VAV3: variants seen among roughly 807,000 people sequenced by gnomAD.
The protein encoded by VAV3 is vav guanine nucleotide exchange factor 3.
VAV3 carries 94 observed loss-of-function variants against 131.2 expected under a neutral mutation model. The ratio of observed to expected loss-of-function variants is 0.72; its 90% CI spans 0.61 to 0.85. VAV3 has a LOEUF of 0.85. Ranked by LOEUF, VAV3 falls within the 40% of genes least tolerant of loss-of-function variation. The pLI, the probability that VAV3 is intolerant of heterozygous loss-of-function variation, is 0.00. For synonymous variants in VAV3, 349 were observed against 342.0 expected (o/e 1.02, Z -0.22); for missense variants, 939 against 1,002.7 (o/e 0.94, Z 0.86).
intron 20 of VAV3, among the ~76,000 whole-genome samples, chr1:107,625,359 C>T (rs4915060): frequency 0.38 from 57,538 of 151,582 alleles, 11,403 homozygotes; most frequent in East Asian, 0.47. Flanking sequence ...CTCCGCCTCC[C>T]GGGCTCAAGT....
intron 2 of VAV3, among the ~76,000 whole-genome samples, chr1:107,869,732 T>C (rs771476783): frequency 3.3e-5 from 5 of 152,166 alleles, no homozygotes; most frequent in East Asian, 1.9e-4. Flanking sequence ...ATCTGAGATT[T>C]TGGTGCACCA....
At chr1:107,926,453 C>T (rs986050281) in intron 1 of VAV3, among the ~76,000 whole-genome samples, 3 of 152,118 alleles carry the variant, frequency 2.0e-5, no homozygotes, top group African/African-American at 7.2e-5. Context: ...ACTAACTACA[C>T]AAAAAATCAC....
At chr1:107,759,769 A>AT (rs1050266869) in intron 10 of VAV3, among the ~76,000 whole-genome samples, 4 of 152,132 alleles carry the variant, frequency 2.6e-5, no homozygotes, top group African/African-American at 9.7e-5. Flanking sequence ...CAAAATAGGT[A>AT]TTTTTTTAAA....
In VAV3 at chr1:107,815,784, A is replaced by G. The variant is rs1012894500; in HGVS notation, c.322-36292T>C. Among the ~76,000 whole-genome samples the G allele has an allele frequency of 8.5e-5, 13 of 152,132 alleles. 1 individual carries two copies. In the South Asian group the frequency reaches 2.5e-3, roughly 29 times the overall value. On this transcript the variant is annotated intron_variant, in intron 2 of 26. Coordinates refer to ENST00000370056, the MANE Select transcript of VAV3 (RefSeq NM_006113.5). ...CTCCCATTATCTTCTTTAGCCACAT[A>G]TATGCACAAATTTTTTTGCCTAACA...
chr1:107,964,886 A>C lies in VAV3; in HGVS notation c.-17T>G, dbSNP rs1278171796. ...CGGCTCCATGCCCGACGGCTCCGGG[A>C]CGCGGCTGGGCCGGGGCGGGCGGCA... On this transcript the variant is annotated 5_prime_UTR_variant, in exon 1 of 27. Coordinates refer to ENST00000370056, the MANE Select transcript of VAV3 (RefSeq NM_006113.5). 23 of 1,502,932 alleles carry C rather than the reference A, an allele frequency of 1.5e-5. No homozygotes were observed. The highest frequency in any genetic ancestry group is 2.1e-5 in the Non-Finnish European group (23 of 1,118,162). The allele number at this position is 1,502,932 out of a possible 1,614,324, so 93.1% of individuals were successfully genotyped here.
At chr1:107,762,264 C>T (rs1200200639) in intron 9 of VAV3, among the ~76,000 whole-genome samples, 1 of 152,098 alleles carries the variant, frequency 6.6e-6, no homozygotes, top group Non-Finnish European at 1.5e-5. Context: ...CTGTTGCTCA[C>T]AAGTTTGTTT....
chr1:107,768,347 C>T, intron 7 of VAV3, 94 bp downstream of exon 7: 1 of 910,424 alleles, frequency 1.1e-6, no homozygotes, highest in African/African-American at 1.7e-5. Context: ...TTAAATAATA[C>T]AAAAGAGTAT....
chr1:107,808,601 T>G (rs1667170474), intron 2 of VAV3, among the ~76,000 whole-genome samples: 1 of 152,156 alleles, frequency 6.6e-6, no homozygotes, highest in South Asian at 2.1e-4. Flanking sequence ...AATGATCAGC[T>G]GCCCTCACAA....
At chr1:107,812,908 G>A (rs1667387076) in intron 2 of VAV3, among the ~76,000 whole-genome samples, 2 of 152,120 alleles carry the variant, frequency 1.3e-5, no homozygotes, top group African/African-American at 4.8e-5. Flanking sequence ...CGGATCACGA[G>A]ATCAGGAGAT....
intron 24 of VAV3, 83 bp from the exon 25 acceptor site, chr1:107,596,424 T>C (rs1651390329): frequency 6.9e-7 from 1 of 1,450,816 alleles, no homozygotes; most frequent in South Asian, 1.3e-5. Flanking sequence ...ATAAATACAA[T>C]AAGGATGACC....
At chr1:107,665,221 C>G (rs1043231040) in intron 19 of VAV3, among the ~76,000 whole-genome samples, 5 of 152,032 alleles carry the variant, frequency 3.3e-5, no homozygotes, top group Admixed American at 3.3e-4. Context: ...TTACTAAATA[C>G]CAGTGGTGTA....
chr1:107,576,323 T>C, intron 25 of VAV3: 3 of 1,340,342 alleles, frequency 2.2e-6, no homozygotes, highest in Non-Finnish European at 2.0e-6. Flanking sequence ...AAGCCATACA[T>C]GGAACTCAAA....
chr1:107,661,643 T>C (rs1001827401), intron 19 of VAV3, among the ~76,000 whole-genome samples: 21 of 152,318 alleles, frequency 1.4e-4, no homozygotes, highest in African/African-American at 4.8e-4. Context: ...GTTAAATAAA[T>C]GAAAGCATAT....
intron 2 of VAV3, among the ~76,000 whole-genome samples, chr1:107,824,276 T>C (rs1340089501): frequency 6.6e-6 from 1 of 152,182 alleles, no homozygotes; most frequent in African/African-American, 2.4e-5. Context: ...CGTCGCTATT[T>C]CAAGAAATTT....
rs1356753280 is a variant in VAV3, at chr1:107,575,007, G to A, written c.2351-809C>T. On this transcript the variant is annotated intron_variant, in intron 25 of 26. Coordinates refer to ENST00000370056, the MANE Select transcript of VAV3 (RefSeq NM_006113.5). ...TGTGTGTGTGTGCGTGCGTGCGCGC[G>A]CGCGCGCGCACACGCGCGCGTGTTT... 7.8e-4 allele frequency among the ~76,000 whole-genome samples: 25 copies of A among 31,964 alleles called. 1 individual carries two copies. Among genetic ancestry groups the A allele is most frequent in the African/African-American group, 2.4e-3 (24 of 10,096 alleles). The allele number at this position is 31,964 out of a possible 152,430, so 21.0% of individuals were successfully genotyped here.
rs533058350 is a variant in VAV3, at chr1:107,906,569, G to A, written c.205-31552C>T. ...TAGTCCCAGCTACTCGGGAGGCTGA[G>A]GCGGGAGAATGGCGTGAACCCAAGA... On this transcript the variant is annotated intron_variant, in intron 1 of 26. Coordinates refer to ENST00000370056, the MANE Select transcript of VAV3 (RefSeq NM_006113.5). Among the ~76,000 whole-genome samples the A allele has an allele frequency of 3.7e-3, 566 of 152,248 alleles. 2 individuals carry two copies. Among genetic ancestry groups the A allele is most frequent in the Non-Finnish European group, 6.7e-3 (456 of 68,014 alleles).
At chr1:107,894,876 C>T (rs1484594494) in intron 1 of VAV3, among the ~76,000 whole-genome samples, 4 of 152,210 alleles carry the variant, frequency 2.6e-5, no homozygotes, top group Non-Finnish European at 4.4e-5. Context: ...CAGTCTACCA[C>T]ACAGCTAGAA....
intron 15 of VAV3, among the ~76,000 whole-genome samples, chr1:107,720,507 C>G (rs56114126): frequency 6.7e-6 from 1 of 148,338 alleles, no homozygotes; most frequent in Non-Finnish European, 1.5e-5. Flanking sequence ...GGAGAAACCC[C>G]GTGTCTACTA....
In VAV3 at chr1:107,603,112, C is replaced by T. The variant is rs1205995673; in HGVS notation, c.2067G>A (p.Arg689=). 6.2e-7 allele frequency: 1 copy of T among 1,613,350 alleles called. No individual in the cohort carries two copies. Among genetic ancestry groups the T allele is most frequent in the South Asian group, 1.1e-5 (1 of 90,954 alleles). ...RLQAETELIN[R]VNSTYLVRHR... ...GCCTCACAAGGTAAGTACTATTTACCCTATTAATAAGTTCGGTCTCTGCTT... is the reference window on the plus strand; with the variant it reads ...GCCTCACAAGGTAAGTACTATTTACTCTATTAATAAGTTCGGTCTCTGCTT... The change falls in exon 23 of 27, where the codon AGG becomes AGA. Residue 689 remains arginine (R), a synonymous_variant. Transcript: ENST00000370056.
Sources: allele counts gnomAD v4.1 joint callset (sites outside exome capture counted in the v4.1 genomes callset), GRCh38; gene constraint gnomAD v4.1.1; transcripts MANE v1.5; gene names NCBI Gene and HGNC (gene_info 2026-07-23, HGNC 2026-07-21).